The following PTPRD variants were observed in gnomAD, a reference collection of about 807,000 sequenced individuals.
PTPRD encodes protein tyrosine phosphatase receptor type D.
A neutral mutation model predicts 214.5 loss-of-function variants in PTPRD; 34 were observed. The ratio of observed to expected loss-of-function variants is 0.16; its 90% CI spans 0.12 to 0.21. PTPRD has a LOEUF of 0.21. Ranked by LOEUF, PTPRD falls within the 10% of genes least tolerant of loss-of-function variation. PTPRD has a pLI of 1.00. For missense variants in PTPRD, 2,545 were observed against 2,398.7 expected, an observed-to-expected ratio of 1.06 and a Z score of -1.27; for synonymous variants, 1,128 against 845.7, an observed-to-expected ratio of 1.33 and a Z score of -5.79.
intron 11 of PTPRD, among the ~76,000 whole-genome samples, chr9:8,802,181 G>C (rs79181132): frequency 0.01 from 1,582 of 152,198 alleles, 25 homozygotes; most frequent in African/African-American, 0.037. Context: ...ACTCTAACTA[G>C]AGAAAGAAAT....
At chr9:8,437,870 G>A (rs1387609507) in intron 34 of PTPRD, among the ~76,000 whole-genome samples, 2 of 152,192 alleles carry the variant, frequency 1.3e-5, no homozygotes, top group South Asian at 2.1e-4. Context: ...TAATTTTGGT[G>A]ACTCCTGTGT....
intron 14 of PTPRD, among the ~76,000 whole-genome samples, chr9:8,595,713 A>G (rs1340530139): frequency 6.6e-6 from 1 of 152,222 alleles, no homozygotes; most frequent in Non-Finnish European, 1.5e-5. Flanking sequence ...AGAATTATTT[A>G]CTAAGTTTAC....
chr9:8,499,751 G>A lies in PTPRD; in HGVS notation c.2218C>T (p.Gln740Ter). ...TGATATCCTCTTATCTGGCCATGCTGTTTATTGGGCACGGGTGAGCGCCAT... is the reference window on the plus strand; with the variant it reads ...TGATATCCTCTTATCTGGCCATGCTATTTATTGGGCACGGGTGAGCGCCAT... ...VSWRSPVPNKQHGQIRGYQVH... is the reference protein window; with the variant it reads ...VSWRSPVPNK The change falls in exon 25 of 46, where the codon CAG (glutamine) becomes TAG (stop). Residue 740 changes from glutamine to a stop codon, truncating the protein, a stop_gained. Transcript: ENST00000381196. LOFTEE classifies it high-confidence loss of function. 1 of 1,614,108 alleles carries A rather than the reference G, an allele frequency of 6.2e-7. No homozygotes were observed. The highest frequency in any genetic ancestry group is 8.5e-7 in the Non-Finnish European group (1 of 1,179,990).
intron 9 of PTPRD, among the ~76,000 whole-genome samples, chr9:9,261,607 C>G (rs1218761706): frequency 1.3e-5 from 2 of 150,996 alleles, no homozygotes; most frequent in Non-Finnish European, 3.0e-5. Flanking sequence ...AAGCAAACCT[C>G]TAATAATAAT....
At chr9:9,778,828 A>T (rs367865934) in intron 5 of PTPRD, among the ~76,000 whole-genome samples, 3 of 152,100 alleles carry the variant, frequency 2.0e-5, no homozygotes, top group African/African-American at 7.2e-5. Flanking sequence ...CAAAACAACC[A>T]AAGTCATTGT....
intron 8 of PTPRD, among the ~76,000 whole-genome samples, chr9:9,565,070 A>G (rs2084094291): frequency 6.6e-6 from 1 of 151,668 alleles, no homozygotes; most frequent in Non-Finnish European, 1.5e-5. Flanking sequence ...AATCCCATAA[A>G]AAGAAGCTTA....
chr9:9,826,955 A>C (rs1268295269), intron 5 of PTPRD, among the ~76,000 whole-genome samples: 2 of 152,120 alleles, frequency 1.3e-5, no homozygotes, highest in East Asian at 3.9e-4. Flanking sequence ...AGGGATGTGA[A>C]GGACCTCTTC....
At chr9:9,354,963 G>T (rs906051191) in intron 9 of PTPRD, among the ~76,000 whole-genome samples, 19 of 151,664 alleles carry the variant, frequency 1.3e-4, no homozygotes, top group African/African-American at 4.4e-4. Flanking sequence ...GTGGAGTGTG[G>T]ACAAAAAAGA....
chr9:10,148,771 G>A (rs1334028398), intron 3 of PTPRD, among the ~76,000 whole-genome samples: 3 of 152,042 alleles, frequency 2.0e-5, no homozygotes, highest in East Asian at 1.9e-4. Context: ...CATCTCTGGG[G>A]GTAAGAACCA....
intron 5 of PTPRD, among the ~76,000 whole-genome samples, chr9:9,887,412 T>C (rs1224108872): frequency 6.6e-6 from 1 of 152,112 alleles, no homozygotes; most frequent in Non-Finnish European, 1.5e-5. Flanking sequence ...AGGATACATA[T>C]AGTCATGTGT....
chr9:10,269,629 T>C (rs1189181278), intron 3 of PTPRD, among the ~76,000 whole-genome samples: 1 of 152,150 alleles, frequency 6.6e-6, no homozygotes, highest in African/African-American at 2.4e-5. Flanking sequence ...TGAAGGTGGG[T>C]ACCTTCCAGA....
At chr9:9,627,489 T>C (rs2095459314) in intron 7 of PTPRD, among the ~76,000 whole-genome samples, 2 of 152,316 alleles carry the variant, frequency 1.3e-5, no homozygotes, top group South Asian at 4.1e-4. Flanking sequence ...CTCTAAAAAG[T>C]AACTACATTT....
At chr9:8,818,064 G>T (rs151121762) in intron 11 of PTPRD, among the ~76,000 whole-genome samples, 7 of 152,136 alleles carry the variant, frequency 4.6e-5, no homozygotes, top group African/African-American at 1.7e-4. Flanking sequence ...GAGTTAAATT[G>T]TAACTCTTGA....
At chr9:9,239,491 T>C (rs532773158) in intron 9 of PTPRD, among the ~76,000 whole-genome samples, 40 of 152,264 alleles carry the variant, frequency 2.6e-4, no homozygotes, top group African/African-American at 9.6e-4. Context: ...ATATTAGTCA[T>C]GAGAGCAAGA....
intron 3 of PTPRD, among the ~76,000 whole-genome samples, chr9:10,328,128 A>G (rs1285294730): frequency 6.6e-6 from 1 of 151,804 alleles, no homozygotes; most frequent in Non-Finnish European, 1.5e-5. Context: ...AGATCAGAAA[A>G]AAATTTAGAA....
At chr9:9,610,372 G>C (rs1029785606) in intron 7 of PTPRD, among the ~76,000 whole-genome samples, 1 of 152,170 alleles carries the variant, frequency 6.6e-6, no homozygotes, top group Non-Finnish European at 1.5e-5. Context: ...ATATTATAAA[G>C]AGAATTAAGA....
At chr9:8,435,925 A>G (rs10758974) in intron 35 of PTPRD, among the ~76,000 whole-genome samples, 81,031 of 152,060 alleles carry the variant, frequency 0.53, 21,731 homozygotes, top group Non-Finnish European at 0.57. Context: ...TAATATACAC[A>G]TACTCAATAA....
intron 9 of PTPRD, among the ~76,000 whole-genome samples, chr9:9,332,916 C>G (rs907289799): frequency 1.3e-5 from 2 of 151,958 alleles, no homozygotes; most frequent in African/African-American, 4.8e-5. Context: ...AAAAAGAACT[C>G]TTACGCTGTG....
At chr9:9,629,019 A>G (rs1419888564) in intron 7 of PTPRD, among the ~76,000 whole-genome samples, 2 of 150,806 alleles carry the variant, frequency 1.3e-5, no homozygotes, top group African/African-American at 4.9e-5. Context: ...CAAAAATACA[A>G]AAAAATTAGC....
Sources: gnomAD v4.1 joint callset for allele counts (sites outside exome capture counted in the v4.1 genomes callset) on GRCh38, gnomAD v4.1.1 for gene constraint, MANE v1.5 for transcripts, NCBI Gene and HGNC (gene_info 2026-07-23, HGNC 2026-07-21) for gene names.